KCNIP4: variants seen among roughly 807,000 people sequenced by gnomAD.
KCNIP4 encodes Kv channel-interacting protein 4.
KCNIP4 carries 12 observed loss-of-function variants against 34.0 expected under a neutral mutation model. The ratio of observed to expected loss-of-function variants is 0.35; its 90% CI spans 0.23 to 0.57. KCNIP4 has a LOEUF of 0.57. Among genes scored for constraint, KCNIP4 ranks in the 20% least tolerant of loss-of-function variants. KCNIP4 has a pLI of 0.83. For synonymous variants in KCNIP4, 124 were observed against 102.2 expected (o/e 1.21, Z -1.29); for missense variants, 238 against 311.7 (o/e 0.76, Z 1.78).
At chr4:21,575,662 AC>A (rs1174586418) in intron 1 of KCNIP4, among the ~76,000 whole-genome samples, 11 of 152,136 alleles carry the variant, frequency 7.2e-5, no homozygotes, top group Non-Finnish European at 2.9e-5. Context: ...ATTGTACTAT[AC>A]TGAGACTCAT....
intron 3 of KCNIP4, among the ~76,000 whole-genome samples, chr4:20,778,063 A>C (rs1402555425): frequency 6.6e-6 from 1 of 152,206 alleles, no homozygotes; most frequent in African/African-American, 2.4e-5. Flanking sequence ...CCAAGGAAGA[A>C]GAGGCATTCA....
rs1437020812 is a variant in KCNIP4, at chr4:21,547,998, C to T, written c.61+400573G>A. Among the ~76,000 whole-genome samples the T allele has an allele frequency of 3.9e-5, 6 of 152,104 alleles. No individual in the cohort carries two copies. In the East Asian group the frequency reaches 1.2e-3, roughly 29 times the overall value. On this transcript the variant is annotated intron_variant, in intron 1 of 8. Transcript: ENST00000382152. Reference sequence around the variant, plus strand: ...ATCTGTGGTTGTTTGGCATCATTATCATTCCTGACTCTGAATTTATATGCT... The same window carrying T: ...ATCTGTGGTTGTTTGGCATCATTATTATTCCTGACTCTGAATTTATATGCT...
At chr4:21,067,080 C>A (rs1461773651) in intron 1 of KCNIP4, among the ~76,000 whole-genome samples, 2 of 152,164 alleles carry the variant, frequency 1.3e-5, no homozygotes, top group Non-Finnish European at 2.9e-5. Flanking sequence ...TAGGACAGCG[C>A]ACCGGACAGA....
At chr4:21,820,893 A>G (rs1722318092) in intron 1 of KCNIP4, among the ~76,000 whole-genome samples, 1 of 152,136 alleles carries the variant, frequency 6.6e-6, no homozygotes, top group African/African-American at 2.4e-5. Flanking sequence ...TGAGGTTGAA[A>G]AATAATTGTC....
At chr4:21,654,502 T>C (rs1395506428) in intron 1 of KCNIP4, among the ~76,000 whole-genome samples, 3 of 152,154 alleles carry the variant, frequency 2.0e-5, no homozygotes, top group Admixed American at 1.3e-4. Context: ...AAAATGTTTT[T>C]TTTTTTTATC....
At chr4:21,895,411 C>G (rs1391829755) in intron 1 of KCNIP4, among the ~76,000 whole-genome samples, 2 of 151,958 alleles carry the variant, frequency 1.3e-5, no homozygotes, top group East Asian at 3.9e-4. Flanking sequence ...AGCACAATAC[C>G]GTGGTTGAAA....
intron 2 of KCNIP4, among the ~76,000 whole-genome samples, chr4:20,864,043 C>CGTAT (rs1722508621): frequency 1.0e-5 from 1 of 95,730 alleles, no homozygotes; most frequent in African/African-American, 6.0e-5. Context: ...TGTATGTATA[C>CGTAT]GCATGTATGT....
intron 1 of KCNIP4, among the ~76,000 whole-genome samples, chr4:21,657,582 A>C (rs1748066958): frequency 6.6e-6 from 1 of 152,242 alleles, no homozygotes; most frequent in African/African-American, 2.4e-5. Flanking sequence ...TTATGAAATT[A>C]GAATTATTAA....
chr4:21,315,057 T>C (rs1411776509), intron 1 of KCNIP4, among the ~76,000 whole-genome samples: 1 of 152,220 alleles, frequency 6.6e-6, no homozygotes, highest in Non-Finnish European at 1.5e-5. Flanking sequence ...AACTGGATAC[T>C]TCACTGGCTA....
chr4:21,766,816 G>A (rs1196664995), intron 1 of KCNIP4, among the ~76,000 whole-genome samples: 1 of 152,150 alleles, frequency 6.6e-6, no homozygotes, highest in Admixed American at 6.6e-5. Context: ...GTCAGAAAGT[G>A]TGTGTTTTAT....
chr4:21,080,510 C>T (rs866172351), intron 1 of KCNIP4, among the ~76,000 whole-genome samples: 3 of 151,714 alleles, frequency 2.0e-5, no homozygotes, highest in African/African-American at 7.3e-5. Context: ...CGTTATTATG[C>T]TTACCTTTAC....
chr4:21,527,715 T>A (rs929518355), intron 1 of KCNIP4, among the ~76,000 whole-genome samples: 10 of 152,178 alleles, frequency 6.6e-5, no homozygotes, highest in Non-Finnish European at 1.2e-4. Flanking sequence ...AAAACTCAAC[T>A]ACGTCAGATT....
chr4:21,284,999 G>A (rs1413206783), intron 1 of KCNIP4, among the ~76,000 whole-genome samples: 1 of 152,104 alleles, frequency 6.6e-6, no homozygotes, highest in African/African-American at 2.4e-5. Context: ...GCCTATATCA[G>A]TGCCTTTAAT....
chr4:21,193,269 T>C (rs1755811192), intron 1 of KCNIP4, among the ~76,000 whole-genome samples: 1 of 152,230 alleles, frequency 6.6e-6, no homozygotes, highest in South Asian at 2.1e-4. Flanking sequence ...TGTGTGTTGC[T>C]TTAATTACTT....
intron 1 of KCNIP4, among the ~76,000 whole-genome samples, chr4:21,036,858 A>G (rs896766054): frequency 6.6e-6 from 1 of 152,222 alleles, no homozygotes; most frequent in African/African-American, 2.4e-5. Context: ...GTCCCATAAG[A>G]TTATAATTAA....
rs76771170 is a variant in KCNIP4 at position 21,258,431 on chromosome 4, G to A, written c.62-375722C>T. Among the ~76,000 whole-genome samples the A allele has an allele frequency of 2.9e-4, 44 of 152,142 alleles. No homozygotes were observed. The South Asian group carries it at 4.4e-3, about 15-fold the overall frequency. ...GGAAACCAGAATACTACGTGACCCC[G>A]ACCTTTTCTTTAATTGGACACCCAC... On this transcript the variant is annotated intron_variant, in intron 1 of 8. Transcript: ENST00000382152.
Position 20,728,995 on chromosome 4 carries a change from C to CTAAATCTTGGTAGTAGTTG in KCNIP4, c.*1068_*1086dup, listed in dbSNP as rs1553880986. On this transcript the variant is annotated 3_prime_UTR_variant, in exon 9 of 9. Coordinates refer to ENST00000382152, the MANE Select transcript of KCNIP4 (RefSeq NM_025221.6). ...TTAGTTGTTGAGCACTTATTTTCTACTAAATCTTGGTAGTAGTTGTCAATG... is the reference window on the plus strand; with the variant it reads ...TTAGTTGTTGAGCACTTATTTTCTACTAAATCTTGGTAGTAGTTGTAAATCTTGGTAGTAGTTGTCAATG... 1.3e-5 allele frequency: 2 copies of CTAAATCTTGGTAGTAGTTG among 152,224 alleles called. No individual in the cohort carries two copies. The highest frequency in any genetic ancestry group is 2.9e-5 in the Non-Finnish European group (2 of 68,026). 9.4% of individuals were successfully genotyped at this position (152,224 alleles called of 1,614,324 possible).
At chr4:21,409,437 TC>T (rs1724297767) in intron 1 of KCNIP4, among the ~76,000 whole-genome samples, 1 of 152,148 alleles carries the variant, frequency 6.6e-6, no homozygotes, top group Admixed American at 6.6e-5. Flanking sequence ...GATCCGCTTT[TC>T]TGAACTGTAA....
At chr4:21,193,903 G>A (rs1755867315) in intron 1 of KCNIP4, among the ~76,000 whole-genome samples, 1 of 152,166 alleles carries the variant, frequency 6.6e-6, no homozygotes, top group Admixed American at 6.5e-5. Flanking sequence ...AGAAGGGAAT[G>A]GCAAAGTATT....
Sources: allele counts gnomAD v4.1 joint callset (sites outside exome capture counted in the v4.1 genomes callset), GRCh38; gene constraint gnomAD v4.1.1; transcripts MANE v1.5; gene names NCBI Gene and HGNC (gene_info 2026-07-23, HGNC 2026-07-21).